ATG10: variants seen among roughly 807,000 people sequenced by gnomAD.
ATG10 encodes the protein autophagy related 10, also known as ubiquitin-like-conjugating enzyme ATG10.
In ATG10, 30 loss-of-function variants were observed where a neutral mutation model predicts 32.1. The ratio of observed to expected loss-of-function variants is 0.94; its 90% confidence interval spans 0.70 to 1.27. The LOEUF is 1.27. Ranked by LOEUF, ATG10 falls within the 50% of genes most tolerant of loss-of-function variation. ATG10 has a pLI of 0.00. For synonymous variants in ATG10, 87 were observed against 91.5 expected (o/e 0.95, Z 0.28); for missense variants, 233 against 262.3 (o/e 0.89, Z 0.77).
At chr5:82,110,282 C>A (rs1367102978) in intron 3 of ATG10, among the ~76,000 whole-genome samples, 2 of 152,198 alleles carry the variant, frequency 1.3e-5, no homozygotes, top group African/African-American at 2.4e-5. Context: ...GTCTTTATAG[C>A]AGCATGATTT....
At chr5:82,050,953 A>G (rs1000473440) in intron 2 of ATG10, among the ~76,000 whole-genome samples, 8 of 151,842 alleles carry the variant, frequency 5.3e-5, no homozygotes, top group Admixed American at 4.6e-4. Context: ...AGAAGCTGCA[A>G]TGAGCTGTGA....
At chr5:82,229,894 A>C (rs996343784) in intron 5 of ATG10, among the ~76,000 whole-genome samples, 1 of 152,202 alleles carries the variant, frequency 6.6e-6, no homozygotes, top group Admixed American at 6.5e-5. Context: ...GTACCAGCTC[A>C]TTGGAAACTC....
Position 82,252,644 on chromosome 5 carries a change from C to A in ATG10, c.536C>A (p.Ser179Tyr), listed in dbSNP as rs1178576608. 3 of 1,583,368 alleles carry A rather than the reference C, an allele frequency of 1.9e-6. No individual in the cohort carries two copies. In the African/African-American group the frequency reaches 4.1e-5, roughly 22 times the overall value. Residue 179 changes from serine to tyrosine, a missense_variant, in exon 6 of 8, where the codon TCT (serine) becomes TAT (tyrosine). By Grantham distance (144) the Ser-to-Tyr change is moderately radical (BLOSUM62 -2). Coordinates refer to ENST00000282185, the MANE Select transcript of ATG10 (RefSeq NM_031482.5). ...NEFMTPVLKN[S>Y]QKINKNVNYI... Reference sequence around the variant, plus strand: ...TTCATGACTCCTGTATTAAAGAATTCTCAGAAAATCAATAAGTAAGAAACA... The same window carrying A: ...TTCATGACTCCTGTATTAAAGAATTATCAGAAAATCAATAAGTAAGAAACA...
intron 5 of ATG10, among the ~76,000 whole-genome samples, chr5:82,239,828 C>A (rs889000519): frequency 6.6e-5 from 10 of 151,896 alleles, no homozygotes; most frequent in Non-Finnish European, 4.4e-5. Flanking sequence ...AAAAAACCCC[C>A]AAATAATCCA....
chr5:82,228,008 C>G (rs758519006), intron 5 of ATG10, among the ~76,000 whole-genome samples: 7 of 152,020 alleles, frequency 4.6e-5, no homozygotes, highest in Non-Finnish European at 8.8e-5. Flanking sequence ...GAGTTCAAGA[C>G]CAGCCTGGGC....
chr5:82,157,034 T>C (rs1329119132), intron 3 of ATG10, among the ~76,000 whole-genome samples: 3 of 152,166 alleles, frequency 2.0e-5, no homozygotes, highest in Non-Finnish European at 4.4e-5. Context: ...GCTGTAAACA[T>C]CCAGAAAACT....
At chr5:82,034,350 C>G (rs1041067290) in intron 2 of ATG10, among the ~76,000 whole-genome samples, 1 of 152,120 alleles carries the variant, frequency 6.6e-6, no homozygotes, top group African/African-American at 2.4e-5. Context: ...ATTAGCAAAT[C>G]CTAATAACTC....
intron 5 of ATG10, among the ~76,000 whole-genome samples, chr5:82,249,239 A>G (rs911530485): frequency 7.2e-5 from 11 of 152,214 alleles, no homozygotes; most frequent in Admixed American, 6.5e-4. Flanking sequence ...AAACCTGAAT[A>G]CAAATATAGT....
At chr5:82,100,883 G>A (rs955534836) in intron 3 of ATG10, among the ~76,000 whole-genome samples, 4 of 147,776 alleles carry the variant, frequency 2.7e-5, no homozygotes, top group Non-Finnish European at 5.9e-5. Context: ...GGGTAAAAAA[G>A]GAAGTTAATA....
chr5:82,042,192 C>T (rs1367886920), intron 2 of ATG10, among the ~76,000 whole-genome samples: 1 of 152,126 alleles, frequency 6.6e-6, no homozygotes, highest in African/African-American at 2.4e-5. Flanking sequence ...AGGAAACTGA[C>T]AGTCATGGCA....
intron 3 of ATG10, among the ~76,000 whole-genome samples, chr5:82,087,610 T>C (rs1475965465): frequency 1.3e-5 from 2 of 152,174 alleles, no homozygotes; most frequent in African/African-American, 2.4e-5. Context: ...GCTGGTGATA[T>C]AGTGGTGAAC....
intron 3 of ATG10, among the ~76,000 whole-genome samples, chr5:82,082,088 C>A (rs367752170): frequency 6.6e-6 from 1 of 152,136 alleles, no homozygotes; most frequent in East Asian, 1.9e-4. Flanking sequence ...AATTCAGTTA[C>A]CTTCCACTGG....
chr5:82,084,555 G>A (rs949806020), intron 3 of ATG10, among the ~76,000 whole-genome samples: 1 of 152,124 alleles, frequency 6.6e-6, no homozygotes, highest in African/African-American at 2.4e-5. Context: ...TTGAAATGAA[G>A]GAAAAAATGT....
At chr5:82,057,754 T>C (rs1371668753) in intron 2 of ATG10, among the ~76,000 whole-genome samples, 1 of 152,102 alleles carries the variant, frequency 6.6e-6, no homozygotes, top group Non-Finnish European at 1.5e-5. Flanking sequence ...CATTAGTGTA[T>C]TTAAGAGCAA....
At chr5:82,229,998 A>G (rs1290138451) in intron 5 of ATG10, among the ~76,000 whole-genome samples, 1 of 152,196 alleles carries the variant, frequency 6.6e-6, no homozygotes, top group African/African-American at 2.4e-5. Context: ...CAATCTGAAA[A>G]GGCATTATCC....
chr5:81,989,692 G>A (rs776374196), intron 2 of ATG10, among the ~76,000 whole-genome samples: 3 of 151,772 alleles, frequency 2.0e-5, no homozygotes, highest in South Asian at 2.1e-4. Context: ...TCCGCTTCCC[G>A]GGTTCAGCCA....
intron 3 of ATG10, among the ~76,000 whole-genome samples, chr5:82,124,478 T>C (rs1341029790): frequency 6.6e-6 from 1 of 151,698 alleles, no homozygotes; most frequent in Non-Finnish European, 1.5e-5. Flanking sequence ...GGACCTGGTG[T>C]GTGATGTTCC....
rs531997408 is a variant in ATG10, at chr5:82,168,256, C to T, written c.355+3719C>T. On this transcript the variant is annotated intron_variant, in intron 4 of 7. Coordinates refer to ENST00000282185, the MANE Select transcript of ATG10 (RefSeq NM_031482.5). ...GCAAATGTTACAAAGGTGGTAAAAC[C>T]CTTAGGCACATACATAATGGCCTTT... Among the ~76,000 whole-genome samples the T allele has an allele frequency of 5.9e-5, 9 of 152,226 alleles. No individual in the cohort carries two copies. The East Asian group carries it at 1.4e-3, about 23-fold the overall frequency.
chr5:82,186,512 G>A (rs1310347291), intron 5 of ATG10, among the ~76,000 whole-genome samples: 3 of 151,456 alleles, frequency 2.0e-5, no homozygotes, highest in Admixed American at 1.3e-4. Flanking sequence ...TTATCAGTCT[G>A]TACATGCATT....
Sources: allele counts gnomAD v4.1 joint callset (sites outside exome capture counted in the v4.1 genomes callset), GRCh38; gene constraint gnomAD v4.1.1; transcripts MANE v1.5; gene names NCBI Gene and HGNC (gene_info 2026-07-23, HGNC 2026-07-21).